Variants in BAIAP2 observed in about 807,000 individuals in gnomAD.
The protein encoded by BAIAP2 is BAR/IMD domain-containing adapter protein 2.
In BAIAP2, 18 loss-of-function variants were observed where a neutral mutation model predicts 63.0. The observed-to-expected ratio is 0.29, with a 90% CI of 0.20 to 0.42. The LOEUF (loss-of-function observed/expected upper bound fraction) is 0.42, where lower values mean the gene tolerates loss of function less well. BAIAP2 is among the 10% of genes least tolerant of loss of function. The pLI, the probability that BAIAP2 is intolerant of heterozygous loss-of-function variation, is 1.00. For missense variants in BAIAP2, 610 were observed against 734.3 expected, an observed-to-expected ratio of 0.83 and a Z score of 1.96; for synonymous variants, 386 against 307.6, an observed-to-expected ratio of 1.25 and a Z score of -2.67.
At chr17:81,096,970 AGAAAGGAGAG>A (rs2057732025) in intron 6 of BAIAP2, among the ~76,000 whole-genome samples, 3 of 152,056 alleles carry the variant, frequency 2.0e-5, no homozygotes, top group Admixed American at 6.6e-5. Context: ...GAGAAGAAGG[AGAAAGGAGAG>A]GAGGAGGAGG....
chr17:81,090,635 C>CT (rs1364355978), intron 6 of BAIAP2, among the ~76,000 whole-genome samples: 2 of 152,246 alleles, frequency 1.3e-5, no homozygotes, highest in Non-Finnish European at 2.9e-5. Context: ...CCCCAGTGGC[C>CT]TGGAAGCCCA....
intron 3 of BAIAP2, among the ~76,000 whole-genome samples, chr17:81,068,057 G>A (rs1386485919): frequency 1.3e-5 from 2 of 152,262 alleles, no homozygotes; most frequent in Non-Finnish European, 2.9e-5. Flanking sequence ...GCAGGTGTCT[G>A]CATCTCTGGG....
intron 6 of BAIAP2, among the ~76,000 whole-genome samples, chr17:81,091,899 G>A (rs1453416389): frequency 1.3e-5 from 2 of 152,220 alleles, no homozygotes; most frequent in Non-Finnish European, 2.9e-5. Context: ...AGAGCTGGCC[G>A]GGGCCTGGCT....
chr17:81,065,660 C>G (rs527831270), intron 3 of BAIAP2, among the ~76,000 whole-genome samples: 1 of 152,244 alleles, frequency 6.6e-6, no homozygotes, highest in South Asian at 2.1e-4. Flanking sequence ...CTCGCTCCCC[C>G]ACCCGAGGCT....
Position 81,107,288 on chromosome 17 carries a change from C to T in BAIAP2, c.1500+381C>T, listed in dbSNP as rs1022175841. ...AGAGCCAGGGGGGCAGGATCTCTTC[C>T]GTGAGAACCACGGGGCTCCCTCAGT... is the stretch of plus-strand genomic sequence containing the variant. On this transcript the variant is annotated intron_variant, in intron 12 of 13. Transcript: ENST00000428708. 5.7e-4 allele frequency: 118 copies of T among 206,022 alleles called. 1 individual carries two copies. Among genetic ancestry groups the T allele is most frequent in the South Asian group, 1.5e-3 (11 of 7,180 alleles). 12.8% of individuals were successfully genotyped at this position (206,022 alleles called of 1,614,324 possible). A position where few individuals can be genotyped will look rare whatever the true frequency, so the allele number is the denominator to read the frequency against.
chr17:81,086,129 G>A (rs1598710755), intron 5 of BAIAP2, among the ~76,000 whole-genome samples: 1 of 151,938 alleles, frequency 6.6e-6, no homozygotes, highest in African/African-American at 2.4e-5. Flanking sequence ...GAGGGTTTGA[G>A]GGTCACCTCT....
At chr17:81,055,710 T>G (rs547555143) in intron 2 of BAIAP2, among the ~76,000 whole-genome samples, 18 of 151,774 alleles carry the variant, frequency 1.2e-4, no homozygotes, top group Non-Finnish European at 2.2e-4. Flanking sequence ...GGACCACAGG[T>G]GCCTGCCACC....
chr17:81,095,252 G>A (rs1193575981), intron 6 of BAIAP2, among the ~76,000 whole-genome samples: 1 of 152,168 alleles, frequency 6.6e-6, no homozygotes, highest in Admixed American at 6.5e-5. Context: ...CGTTGTAAAT[G>A]GCCGGGCTGC....
chr17:81,109,191 C>T lies in BAIAP2; in HGVS notation c.1535+682C>T, dbSNP rs540620160. On this transcript the variant is annotated intron_variant, in intron 13 of 13. Transcript: ENST00000428708. ...CCATGGTGCTGCTCCATCCGCCCCC[C>T]CTCCCCTGTGTTTACGCGCCCCATC... The T allele has an allele frequency of 4.1e-5, 57 of 1,407,088 alleles. No homozygotes were observed. In the East Asian group the frequency reaches 6.4e-4, roughly 16 times the overall value. 87.2% of individuals were successfully genotyped at this position (1,407,088 alleles called of 1,614,324 possible).
rs2146260716 is a variant in BAIAP2, at chr17:81,116,817, TC to T, written c.*979del. Reference sequence around the variant, plus strand: ...CAGCCCTTACCTGGCTGGGGAGGTGTCTCCAGCAGAGCTCACTCCCGCCTAC... The same window carrying T: ...CAGCCCTTACCTGGCTGGGGAGGTGTTCCAGCAGAGCTCACTCCCGCCTAC... On this transcript the variant is annotated 3_prime_UTR_variant, in exon 14 of 14. Coordinates refer to ENST00000428708, the MANE Select transcript of BAIAP2 (RefSeq NM_001144888.2). The T allele has an allele frequency of 6.3e-6, 1 of 158,312 alleles. No homozygotes were observed. The highest frequency in any genetic ancestry group is 6.0e-5 in the Admixed American group (1 of 16,692). 9.8% of individuals were successfully genotyped at this position (158,312 alleles called of 1,614,324 possible).
chr17:81,047,756 G>C (rs1446660950), intron 1 of BAIAP2, among the ~76,000 whole-genome samples: 1 of 151,672 alleles, frequency 6.6e-6, no homozygotes, highest in African/African-American at 2.4e-5. Flanking sequence ...TAAACATGCA[G>C]CTCATGCCCA....
rs370612760 is a variant in BAIAP2 at position 81,104,750 on chromosome 17, G to A, written c.1268+35G>A. 1,144 of 1,525,276 alleles carry A rather than the reference G, an allele frequency of 7.5e-4. 1 individual carries two copies. The highest frequency in any genetic ancestry group is 7.8e-4 in the Non-Finnish European group (876 of 1,127,476). 94.5% of individuals were successfully genotyped at this position (1,525,276 alleles called of 1,614,324 possible). A position where few individuals can be genotyped will look rare whatever the true frequency, so the allele number is the denominator to read the frequency against. On this transcript the variant is annotated intron_variant, in intron 10 of 13. Coordinates refer to ENST00000428708, the MANE Select transcript of BAIAP2 (RefSeq NM_001144888.2). ...TCTCGGGGGCGGGCTCCAGGCAGCCGCTGCCTTCAGCAAGTGTGTGGGGCA... is the reference window on the plus strand; with the variant it reads ...TCTCGGGGGCGGGCTCCAGGCAGCCACTGCCTTCAGCAAGTGTGTGGGGCA...
chr17:81,116,492 C>A lies in BAIAP2; in HGVS notation c.*653C>A. 5.4e-6 allele frequency: 4 copies of A among 740,878 alleles called. No homozygotes were observed. The highest frequency in any genetic ancestry group is 8.5e-6 in the Non-Finnish European group (4 of 468,204). The allele number at this position is 740,878 out of a possible 1,614,324, so 45.9% of individuals were successfully genotyped here. A position where few individuals can be genotyped will look rare whatever the true frequency, so the allele number is the denominator to read the frequency against. ...CAGCCCTCCTCCTTACCCAACCTCC[C>A]ATCCAGAACCTTGCTGCCAGGGCCT... On this transcript the variant is annotated 3_prime_UTR_variant, in exon 14 of 14. Coordinates refer to ENST00000428708, the MANE Select transcript of BAIAP2 (RefSeq NM_001144888.2).
chr17:81,058,865 G>A (rs35374472), intron 3 of BAIAP2, among the ~76,000 whole-genome samples: 27,289 of 151,998 alleles, frequency 0.18, 2,611 homozygotes, highest in South Asian at 0.21. Context: ...TTCTTCTCGG[G>A]GACTGAAAGC....
rs145595051 is a variant in BAIAP2 at position 81,081,129 on chromosome 17, C to G, written c.218-3703C>G. ...GCCAGTTCCCAGTGTCCAAGGGGCCCGAGAGCTGGGAGGTGGATCCAGGAT... is the reference window on the plus strand; with the variant it reads ...GCCAGTTCCCAGTGTCCAAGGGGCCGGAGAGCTGGGAGGTGGATCCAGGAT... On this transcript the variant is annotated intron_variant, in intron 3 of 13. Coordinates refer to ENST00000428708, the MANE Select transcript of BAIAP2 (RefSeq NM_001144888.2). Among the ~76,000 whole-genome samples, 249 of 152,284 alleles carry G rather than the reference C, an allele frequency of 1.6e-3. 1 individual carries two copies. Among genetic ancestry groups the G allele is most frequent in the African/African-American group, 5.7e-3 (237 of 41,540 alleles).
chr17:81,109,892 GGGCCGGGCCC>G (rs1439166781), intron 13 of BAIAP2: 1 of 985,094 alleles, frequency 1.0e-6, no homozygotes. Context: ...CAGGGTGTGC[GGGCCGGGCCC>G]GGCTGGGGGA....
chr17:81,103,409 C>G, intron 7 of BAIAP2, 93 bp from the exon 8 acceptor site: 2 of 1,222,084 alleles, frequency 1.6e-6, no homozygotes, highest in Non-Finnish European at 2.3e-6. Flanking sequence ...CCTCCAGCCC[C>G]AGAGAGTGCT....
In BAIAP2 at chr17:81,070,790, T is replaced by C. The variant is rs186732532; in HGVS notation, c.217+12823T>C. 3.2e-4 allele frequency among the ~76,000 whole-genome samples: 48 copies of C among 152,328 alleles called. 2 individuals are homozygous for C. In the East Asian group the frequency reaches 8.9e-3, roughly 28 times the overall value. Reference sequence around the variant, plus strand: ...GGGAGCCCCCGTCTGCCTGGGACGCTGGGAGTGTGTGAGCAGATTTGGTGC... The same window carrying C: ...GGGAGCCCCCGTCTGCCTGGGACGCCGGGAGTGTGTGAGCAGATTTGGTGC... On this transcript the variant is annotated intron_variant, in intron 3 of 13. Coordinates refer to ENST00000428708, the MANE Select transcript of BAIAP2 (RefSeq NM_001144888.2).
At chr17:81,090,910 T>C (rs892531503) in intron 6 of BAIAP2, among the ~76,000 whole-genome samples, 2 of 152,194 alleles carry the variant, frequency 1.3e-5, no homozygotes, top group Admixed American at 1.3e-4. Context: ...ACTTCTACTT[T>C]AGGGTGTGGC....
Sources: allele counts gnomAD v4.1 joint callset (sites outside exome capture counted in the v4.1 genomes callset), GRCh38; gene constraint gnomAD v4.1.1; transcripts MANE v1.5; gene names NCBI Gene and HGNC (gene_info 2026-07-23, HGNC 2026-07-21).